Variants in RAD50 observed in about 807,000 individuals in gnomAD.
RAD50 encodes the protein DNA repair protein RAD50.
A neutral mutation model predicts 168.8 loss-of-function variants in RAD50; 132 were observed. The ratio of observed to expected loss-of-function variants is 0.78; its 90% confidence interval spans 0.68 to 0.90. The LOEUF (loss-of-function observed/expected upper bound fraction) is 0.90, where lower values mean the gene tolerates loss of function less well. RAD50 is among the 40% of genes least tolerant of loss of function. The pLI is 0.00. For missense variants in RAD50, 1,347 were observed against 1,534.4 expected, an observed-to-expected ratio of 0.88 and a Z score of 2.04; for synonymous variants, 525 against 497.4, an observed-to-expected ratio of 1.06 and a Z score of -0.74.
At chr5:132,585,620 T>TTTG (rs1750583503) in intron 5 of RAD50, among the ~76,000 whole-genome samples, 1 of 150,968 alleles carries the variant, frequency 6.6e-6, no homozygotes, top group Non-Finnish European at 1.5e-5. Context: ...TTCTTGTTTT[T>TTTG]TGAGACAGGG....
At position 132,645,037 on chromosome 5, in the gene RAD50, CTTTT is replaced by C. The variant is rs1194253202; in HGVS notation, c.*2675_*2678del. The C allele has an allele frequency of 6.6e-6, 1 of 152,194 alleles. No homozygotes were observed. The highest frequency in any genetic ancestry group is 1.5e-5 in the Non-Finnish European group (1 of 68,064). 9.4% of individuals were successfully genotyped at this position (152,194 alleles called of 1,614,324 possible). Reference sequence around the variant, plus strand: ...TGCCTACCTTGGCCTCCCTCAGCCCCTTTTTGTTTCCTCCAGTGAGAAGATACTC... The same window carrying C: ...TGCCTACCTTGGCCTCCCTCAGCCCCTGTTTCCTCCAGTGAGAAGATACTC... On this transcript the variant is annotated 3_prime_UTR_variant, in exon 25 of 25. Coordinates refer to ENST00000378823, the MANE Select transcript of RAD50 (RefSeq NM_005732.4).
intron 21 of RAD50, among the ~76,000 whole-genome samples, chr5:132,618,608 C>T (rs1431879632): frequency 6.6e-6 from 1 of 152,158 alleles, no homozygotes; most frequent in Non-Finnish European, 1.5e-5. Context: ...GAACTCCTGA[C>T]CTGAGGTGAT....
At position 132,557,363 on chromosome 5, in the gene RAD50, G is replaced by T. The variant is rs779005784; in HGVS notation, c.39G>T (p.Arg13=). The part of the protein sequence containing the change: ...RIEKMSILGV[R]SFGIEDKDKQ... Reference sequence around the variant, plus strand: ...AAAAGATGAGCATTCTGGGCGTGCGGAGTTTTGGAATAGAGGACAAAGATA... The same window carrying T: ...AAAAGATGAGCATTCTGGGCGTGCGTAGTTTTGGAATAGAGGACAAAGATA... Residue 13 remains arginine (R), a synonymous_variant, in exon 1 of 25, where the codon CGG becomes CGT. Transcript: ENST00000378823. 6.2e-7 allele frequency: 1 copy of T among 1,614,054 alleles called. No homozygotes were observed. The highest frequency in any genetic ancestry group is 1.3e-5 in the African/African-American group (1 of 74,936).
At chr5:132,616,812 T>C (rs1404346922) in intron 20 of RAD50, among the ~76,000 whole-genome samples, 1 of 152,230 alleles carries the variant, frequency 6.6e-6, no homozygotes, top group African/African-American at 2.4e-5. Flanking sequence ...GCCTCTCATT[T>C]ATTAAACCCT....
At chr5:132,584,628 A>G (rs1261373597) in intron 5 of RAD50, among the ~76,000 whole-genome samples, 2 of 152,204 alleles carry the variant, frequency 1.3e-5, no homozygotes, top group Non-Finnish European at 2.9e-5. Flanking sequence ...TCATGCTGCT[A>G]TAAAGACACA....
At chr5:132,626,295 T>C (rs1466197347) in intron 21 of RAD50, among the ~76,000 whole-genome samples, 1 of 152,214 alleles carries the variant, frequency 6.6e-6, no homozygotes, top group African/African-American at 2.4e-5. Flanking sequence ...ATGATTTCAT[T>C]TCCTTTGCGT....
intron 2 of RAD50, among the ~76,000 whole-genome samples, chr5:132,569,979 A>T (rs559357627): frequency 1.3e-5 from 2 of 152,366 alleles, no homozygotes; most frequent in East Asian, 3.8e-4. Context: ...ATGCTTAGAG[A>T]GATACGGTAG....
At chr5:132,609,422 A>T (rs1474652152) in intron 19 of RAD50, 26 bp downstream of exon 19, 2 of 1,612,082 alleles carry the variant, frequency 1.2e-6, no homozygotes, top group Non-Finnish European at 1.7e-6. Context: ...TTATGATATC[A>T]CTTACACCTA....
At chr5:132,570,478 C>A (rs1027084382) in intron 2 of RAD50, among the ~76,000 whole-genome samples, 1 of 152,248 alleles carries the variant, frequency 6.6e-6, no homozygotes, top group Non-Finnish European at 1.5e-5. Flanking sequence ...GGATAACTTG[C>A]TGCAGCTCCT....
At chr5:132,586,326 TC>T (rs1750593974) in intron 5 of RAD50, among the ~76,000 whole-genome samples, 1 of 152,220 alleles carries the variant, frequency 6.6e-6, no homozygotes, top group African/African-American at 2.4e-5. Context: ...CCTTTGAATT[TC>T]CTGCTTAGTA....
At chr5:132,597,314 G>C (rs1750808946) in intron 13 of RAD50, among the ~76,000 whole-genome samples, 1 of 152,146 alleles carries the variant, frequency 6.6e-6, no homozygotes, top group African/African-American at 2.4e-5. Flanking sequence ...TTATACTCTT[G>C]TATAGTCCCA....
rs1389324475 is a variant in RAD50 at position 132,595,951 on chromosome 5, A to G, written c.2207+141A>G. The G allele has an allele frequency of 5.2e-6, 4 of 775,212 alleles. No individual in the cohort carries two copies. The African/African-American group carries it at 5.3e-5, about 10-fold the overall frequency. 48.0% of individuals were successfully genotyped at this position (775,212 alleles called of 1,614,324 possible). On this transcript the variant is annotated intron_variant, in intron 13 of 24. Coordinates refer to ENST00000378823, the MANE Select transcript of RAD50 (RefSeq NM_005732.4). ...CTTATATCACTTCTATGATAAGAAGATTCAATTATTTTGTTTAAAGATAAG... is the reference window on the plus strand; with the variant it reads ...CTTATATCACTTCTATGATAAGAAGGTTCAATTATTTTGTTTAAAGATAAG...
intron 21 of RAD50, 43 bp from the exon 22 acceptor site, chr5:132,637,072 T>A (rs1192197230): frequency 1.6e-5 from 24 of 1,485,714 alleles, no homozygotes; most frequent in Non-Finnish European, 1.9e-5. Flanking sequence ...TTACACATAA[T>A]TATTTTTTAT....
intron 13 of RAD50, among the ~76,000 whole-genome samples, chr5:132,598,181 G>T (rs2149845199): frequency 6.6e-6 from 1 of 152,032 alleles, no homozygotes; most frequent in African/African-American, 2.4e-5. Context: ...CCAAGTAGCT[G>T]GGATTACAGG....
At chr5:132,602,965 A>G (rs1031907889) in intron 13 of RAD50, among the ~76,000 whole-genome samples, 2 of 152,230 alleles carry the variant, frequency 1.3e-5, no homozygotes, top group Admixed American at 6.6e-5. Context: ...TGCAAGCAAG[A>G]TCTGTCAGTG....
chr5:132,573,584 A>G (rs1293793327), intron 2 of RAD50, among the ~76,000 whole-genome samples: 8 of 152,130 alleles, frequency 5.3e-5, no homozygotes, highest in Non-Finnish European at 1.0e-4. Context: ...TCACATTTCA[A>G]AACCAATCAT....
chr5:132,628,294 A>G (rs1751402555), intron 21 of RAD50, among the ~76,000 whole-genome samples: 1 of 152,202 alleles, frequency 6.6e-6, no homozygotes, highest in Admixed American at 6.5e-5. Flanking sequence ...GAAAGGTCCC[A>G]CCACTAGTTA....
At chr5:132,569,418 A>G (rs1750262113) in intron 2 of RAD50, among the ~76,000 whole-genome samples, 1 of 152,210 alleles carries the variant, frequency 6.6e-6, no homozygotes, top group South Asian at 2.1e-4. Context: ...GAAACATTTT[A>G]TGATGAGAAG....
intron 21 of RAD50, among the ~76,000 whole-genome samples, chr5:132,621,914 A>T (rs1014802300): frequency 6.6e-6 from 1 of 151,946 alleles, no homozygotes; most frequent in Non-Finnish European, 1.5e-5. Context: ...TTTTTCATAC[A>T]TTATCTCTTC....
Sources: allele counts gnomAD v4.1 joint callset (sites outside exome capture counted in the v4.1 genomes callset), GRCh38; gene constraint gnomAD v4.1.1; transcripts MANE v1.5; gene names NCBI Gene and HGNC (gene_info 2026-07-23, HGNC 2026-07-21).